CEP128: variants seen among roughly 807,000 people sequenced by gnomAD.
CEP128 encodes the protein centrosomal protein 128kDa.
A neutral mutation model predicts 156.7 loss-of-function variants in CEP128; 132 were observed. The ratio of observed to expected loss-of-function variants is 0.84; its 90% CI spans 0.73 to 0.97. The LOEUF (loss-of-function observed/expected upper bound fraction) is 0.97, where lower values mean the gene tolerates loss of function less well. CEP128 is among the 50% of genes least tolerant of loss of function. The probability of loss-of-function intolerance (pLI) is 0.00; values close to 1 mark genes in which losing one functional copy is unlikely to be tolerated. For synonymous variants in CEP128, 469 were observed against 448.9 expected, an observed-to-expected ratio of 1.04 and a Z score of -0.57; for missense variants, 1,252 against 1,281.9, an observed-to-expected ratio of 0.98 and a Z score of 0.36.
chr14:80,885,792 G>C (rs544837019), intron 8 of CEP128, among the ~76,000 whole-genome samples: 2 of 152,048 alleles, frequency 1.3e-5, no homozygotes, highest in African/African-American at 4.8e-5. Context: ...ACAAATTGAC[G>C]GAAGTAGGCT....
chr14:80,781,255 G>C (rs943771878), intron 15 of CEP128, among the ~76,000 whole-genome samples: 1 of 152,010 alleles, frequency 6.6e-6, no homozygotes, highest in South Asian at 2.1e-4. Flanking sequence ...TCAAGAGATC[G>C]AAACCATCCT....
intron 9 of CEP128, among the ~76,000 whole-genome samples, chr14:80,850,878 T>C (rs73340175): frequency 6.6e-6 from 1 of 152,306 alleles, no homozygotes; most frequent in African/African-American, 2.4e-5. Flanking sequence ...CAACCCACTA[T>C]ACGAAAATGT....
At chr14:80,535,271 A>G (rs1473274743) in intron 21 of CEP128, among the ~76,000 whole-genome samples, 1 of 152,240 alleles carries the variant, frequency 6.6e-6, no homozygotes, top group Non-Finnish European at 1.5e-5. Context: ...CCTTGCAGTC[A>G]GATGGTGGCA....
intron 19 of CEP128, among the ~76,000 whole-genome samples, chr14:80,603,557 C>G (rs1892662932): frequency 1.3e-5 from 2 of 152,160 alleles, no homozygotes; most frequent in African/African-American, 4.8e-5. Flanking sequence ...AAATGGAATA[C>G]AGAGCATGGA....
At chr14:80,762,934 T>C (rs1054932370) in intron 16 of CEP128, among the ~76,000 whole-genome samples, 1 of 152,170 alleles carries the variant, frequency 6.6e-6, no homozygotes, top group African/African-American at 2.4e-5. Flanking sequence ...CAGAGTAACA[T>C]TAAGCTCACA....
chr14:80,940,436 G>A (rs1886081290), intron 1 of CEP128, among the ~76,000 whole-genome samples: 1 of 152,210 alleles, frequency 6.6e-6, no homozygotes, highest in Non-Finnish European at 1.5e-5. Context: ...CATGGCTACT[G>A]AGCTCTAGCT....
intron 1 of CEP128, among the ~76,000 whole-genome samples, chr14:80,959,084 G>A (rs726018): frequency 0.43 from 64,975 of 151,574 alleles, 15,554 homozygotes; most frequent in African/African-American, 0.66. Context: ...TCCCAGCCCC[G>A]TGGTCTTATG....
At chr14:80,870,832 T>C (rs1198978445) in intron 8 of CEP128, among the ~76,000 whole-genome samples, 1 of 151,512 alleles carries the variant, frequency 6.6e-6, no homozygotes, top group Non-Finnish European at 1.5e-5. Flanking sequence ...GACATGATCT[T>C]ATATACAGAA....
intron 13 of CEP128, among the ~76,000 whole-genome samples, chr14:80,821,395 C>T (rs1455118024): frequency 6.6e-6 from 1 of 152,160 alleles, no homozygotes; most frequent in Non-Finnish European, 1.5e-5. Context: ...CATTGAATAA[C>T]TCTTAATTAC....
chr14:80,674,050 G>A (rs1895964679), intron 19 of CEP128, among the ~76,000 whole-genome samples: 1 of 150,042 alleles, frequency 6.7e-6, no homozygotes, highest in Non-Finnish European at 1.5e-5. Flanking sequence ...ATTTTTCAGA[G>A]TTTCTTGCAT....
rs151281975 is a variant in CEP128, at chr14:80,588,741, C to T, written c.2807-8318G>A. 6.1e-3 allele frequency among the ~76,000 whole-genome samples: 923 copies of T among 152,104 alleles called. 8 individuals are homozygous for T. Among genetic ancestry groups the T allele is most frequent in the African/African-American group, 0.017 (713 of 41,504 alleles). ...TCAAAGTGTTTGCATCTTACAAATC[C>T]TTTCCTTAAAAACTTAATGTTAAGA... On this transcript the variant is annotated intron_variant, in intron 19 of 24. Transcript: ENST00000555265.
At chr14:80,926,078 A>T (rs1289727161) in intron 2 of CEP128, among the ~76,000 whole-genome samples, 2 of 152,172 alleles carry the variant, frequency 1.3e-5, no homozygotes, top group African/African-American at 4.8e-5. Flanking sequence ...AGGTTGAGAG[A>T]AGCTCCCAAC....
Position 80,496,840 on chromosome 14 carries a change from C to T in CEP128, c.*639G>A, listed in dbSNP as rs1887514135. On this transcript the variant is annotated 3_prime_UTR_variant, in exon 25 of 25. Transcript: ENST00000555265. The stretch of plus-strand genomic sequence containing the variant: ...ATTGTGCTATGAATTCTTTACAGTG[C>T]TCTACAGTTCAGATATCATTTATGA... 6.6e-6 allele frequency: 1 copy of T among 152,112 alleles called. No individual in the cohort carries two copies. The highest frequency in any genetic ancestry group is 1.5e-5 in the Non-Finnish European group (1 of 68,046). 9.4% of individuals were successfully genotyped at this position (152,112 alleles called of 1,614,324 possible). A position where few individuals can be genotyped will look rare whatever the true frequency, so the allele number is the denominator to read the frequency against.
chr14:80,564,695 T>G (rs1266158559), intron 20 of CEP128, among the ~76,000 whole-genome samples: 5 of 152,188 alleles, frequency 3.3e-5, no homozygotes, highest in African/African-American at 1.2e-4. Context: ...ATAACCGCCC[T>G]TTCCCAAAAA....
intron 21 of CEP128, among the ~76,000 whole-genome samples, chr14:80,551,937 A>G (rs1890226087): frequency 6.6e-6 from 1 of 152,134 alleles, no homozygotes; most frequent in African/African-American, 2.4e-5. Context: ...AAAATCTTAA[A>G]TTACTCCTTT....
rs940106075 is a variant in CEP128 at position 80,819,290 on chromosome 14, A to T, written c.1209+11853T>A. ...GAGATGGAGTCTCACTCTGTCACCC[A>T]GGCTGGAGTGCAGTGGCGCAATCTC... On this transcript the variant is annotated intron_variant, in intron 13 of 24. Transcript: ENST00000555265. 3.4e-5 allele frequency among the ~76,000 whole-genome samples: 4 copies of T among 117,620 alleles called. No homozygotes were observed. The East Asian group carries it at 1.1e-3, about 33-fold the overall frequency. 77.2% of individuals were successfully genotyped at this position (117,620 alleles called of 152,430 possible).
At chr14:80,499,623 A>C (rs1045724516) in intron 24 of CEP128, among the ~76,000 whole-genome samples, 1 of 152,186 alleles carries the variant, frequency 6.6e-6, no homozygotes, top group Non-Finnish European at 1.5e-5. Context: ...TTATTTTTAA[A>C]ATCTGGTTTG....
intron 19 of CEP128, among the ~76,000 whole-genome samples, chr14:80,591,333 G>GA (rs920387157): frequency 1.3e-4 from 18 of 142,726 alleles, no homozygotes; most frequent in East Asian, 1.2e-3. Flanking sequence ...CAAATGGAAA[G>GA]AAAAAAAAAA....
chr14:80,957,347 G>A (rs1479400222), intron 2 of CEP128, among the ~76,000 whole-genome samples: 2 of 151,642 alleles, frequency 1.3e-5, no homozygotes, highest in Non-Finnish European at 1.5e-5. Context: ...CTACTTTCTT[G>A]TAACTTGTTA....
Sources: allele counts gnomAD v4.1 joint callset (sites outside exome capture counted in the v4.1 genomes callset), GRCh38; gene constraint gnomAD v4.1.1; transcripts MANE v1.5; gene names NCBI Gene and HGNC (gene_info 2026-07-23, HGNC 2026-07-21).